The following UNC13C variants were observed in gnomAD, a reference collection of about 807,000 sequenced individuals.
The protein encoded by UNC13C is unc-13 homolog C.
In UNC13C, 174 loss-of-function variants were observed where a neutral mutation model predicts 245.4. That is an observed-to-expected ratio of 0.71 (90% CI 0.63 to 0.80). The LOEUF is 0.80. Ranked by LOEUF, UNC13C falls within the 30% of genes least tolerant of loss-of-function variation. The pLI, the probability that UNC13C is intolerant of heterozygous loss-of-function variation, is 0.00. For synonymous variants in UNC13C, 992 were observed against 895.1 expected (o/e 1.11, Z -1.93); for missense variants, 2,829 against 2,602.9 (o/e 1.09, Z -1.89).
intron 2 of UNC13C, among the ~76,000 whole-genome samples, chr15:54,083,723 T>C (rs1899082184): frequency 6.6e-6 from 1 of 152,116 alleles, no homozygotes; most frequent in African/African-American, 2.4e-5. Flanking sequence ...CACCAAGGGT[T>C]AGATCTCTAG....
At chr15:54,141,367 T>A (rs180957978) in intron 2 of UNC13C, among the ~76,000 whole-genome samples, 19 of 152,270 alleles carry the variant, frequency 1.2e-4, no homozygotes, top group African/African-American at 3.6e-4. Flanking sequence ...AGGCCAGAAT[T>A]TTCAGAAAGA....
intron 17 of UNC13C, among the ~76,000 whole-genome samples, chr15:54,374,788 C>T (rs1278765642): frequency 3.9e-5 from 6 of 152,338 alleles, no homozygotes; most frequent in African/African-American, 1.4e-4. Flanking sequence ...CCTGGCTGCG[C>T]CTCGCCGGCT....
At chr15:54,087,379 G>C (rs557720656) in intron 2 of UNC13C, among the ~76,000 whole-genome samples, 2 of 152,220 alleles carry the variant, frequency 1.3e-5, no homozygotes, top group South Asian at 2.1e-4. Flanking sequence ...TTATCTGACA[G>C]GACAGCTCTG....
chr15:54,409,654 T>G (rs1272076297), intron 18 of UNC13C, among the ~76,000 whole-genome samples: 2 of 152,222 alleles, frequency 1.3e-5, no homozygotes, highest in African/African-American at 4.8e-5. Context: ...CCTGAGTTAA[T>G]TCACTTACAC....
intron 29 of UNC13C, among the ~76,000 whole-genome samples, chr15:54,560,891 T>C (rs1309688360): frequency 1.3e-5 from 2 of 152,004 alleles, no homozygotes; most frequent in Non-Finnish European, 2.9e-5. Context: ...AGCAGGCATA[T>C]AGAAAACGCT....
intron 26 of UNC13C, among the ~76,000 whole-genome samples, chr15:54,542,582 T>G (rs1482542760): frequency 6.6e-6 from 1 of 152,192 alleles, no homozygotes; most frequent in African/African-American, 2.4e-5. Flanking sequence ...TTGATCTGTC[T>G]AATATTGACA....
chr15:54,280,169 A>G (rs1404355278), intron 10 of UNC13C, among the ~76,000 whole-genome samples: 3 of 152,134 alleles, frequency 2.0e-5, no homozygotes, highest in Non-Finnish European at 4.4e-5. Flanking sequence ...GGTTCTGTGT[A>G]GTATTGCTTC....
At chr15:54,100,588 T>C (rs1900111494) in intron 2 of UNC13C, among the ~76,000 whole-genome samples, 1 of 151,844 alleles carries the variant, frequency 6.6e-6, no homozygotes, top group African/African-American at 2.4e-5. Context: ...GCTGAGAATT[T>C]AGTTTGTATC....
chr15:54,309,220 T>G (rs1226257703), intron 13 of UNC13C, among the ~76,000 whole-genome samples: 2 of 151,848 alleles, frequency 1.3e-5, no homozygotes, highest in African/African-American at 2.4e-5. Flanking sequence ...AGGTGATAGC[T>G]TATCGTGGTT....
At chr15:53,850,028 C>G in the UNC13C span, among the ~76,000 whole-genome samples, 1 of 152,064 alleles carries the variant, frequency 6.6e-6, no homozygotes, top group Admixed American at 6.6e-5. Flanking sequence ...TGTCATTTTC[C>G]TTTTGCAAGA....
At chr15:54,422,186 T>C (rs2040658511) in intron 19 of UNC13C, among the ~76,000 whole-genome samples, 1 of 151,942 alleles carries the variant, frequency 6.6e-6, no homozygotes, top group Non-Finnish European at 1.5e-5. Flanking sequence ...TACCACCATC[T>C]CCAGACACTT....
chr15:54,146,140 T>A (rs1033496858), intron 4 of UNC13C, among the ~76,000 whole-genome samples: 1 of 152,112 alleles, frequency 6.6e-6, no homozygotes, highest in Admixed American at 6.5e-5. Flanking sequence ...ATGTGCTTAT[T>A]TTACTTTTTC....
chr15:53,959,982 TG>T, the UNC13C span, among the ~76,000 whole-genome samples: 6 of 152,192 alleles, frequency 3.9e-5, no homozygotes, highest in Admixed American at 3.9e-4. Flanking sequence ...TTAGAACTCC[TG>T]GGATAAGCAT....
intron 17 of UNC13C, among the ~76,000 whole-genome samples, chr15:54,370,990 A>G (rs930792153): frequency 1.5e-4 from 23 of 152,170 alleles, no homozygotes; most frequent in African/African-American, 5.5e-4. Flanking sequence ...CATATGCATG[A>G]CCTCACATAG....
rs1567066940 is a variant in UNC13C, at chr15:54,172,705, T to TTATATATATATATATAA, written c.3071+29021_3071+29022insTATATATATATATATAA. On this transcript the variant is annotated intron_variant, in intron 4 of 32. Coordinates refer to ENST00000260323, the MANE Select transcript of UNC13C (RefSeq NM_001080534.3). The stretch of plus-strand genomic sequence containing the variant: ...TGACAAAGTCAAATACACACACAGA[T>TTATATATATATATATAA]ATATATATATATATATATATATATA... Among the ~76,000 whole-genome samples, 139 of 39,926 alleles carry TTATATATATATATATAA rather than the reference T, an allele frequency of 3.5e-3. 5 individuals carry two copies. The South Asian group carries it at 0.041, about 12-fold the overall frequency. The allele number at this position is 39,926 out of a possible 152,430, so 26.2% of individuals were successfully genotyped here. A position where few individuals can be genotyped will look rare whatever the true frequency, so the allele number is the denominator to read the frequency against.
chr15:54,543,557 TAAAG>T (rs1218136260), intron 26 of UNC13C, among the ~76,000 whole-genome samples: 2 of 149,824 alleles, frequency 1.3e-5, no homozygotes, highest in South Asian at 2.1e-4. Flanking sequence ...GCAAGACTAA[TAAAG>T]AAAAAAAGAG....
intron 4 of UNC13C, among the ~76,000 whole-genome samples, chr15:54,204,394 G>A (rs1019220172): frequency 6.6e-6 from 1 of 150,656 alleles, no homozygotes; most frequent in African/African-American, 2.4e-5. Flanking sequence ...AAGAATTTGC[G>A]ATATTAACAG....
At chr15:54,096,009 C>T (rs950309894) in intron 2 of UNC13C, among the ~76,000 whole-genome samples, 1 of 152,154 alleles carries the variant, frequency 6.6e-6, no homozygotes, top group African/African-American at 2.4e-5. Context: ...AAGGTGCAGA[C>T]CTTAGCTATA....
chr15:53,904,860 A>G, the UNC13C span, among the ~76,000 whole-genome samples: 1 of 152,178 alleles, frequency 6.6e-6, no homozygotes, highest in Admixed American at 6.5e-5. Context: ...ATTCATCTGA[A>G]GAATAGTTAT....
Sources: allele counts gnomAD v4.1 joint callset (sites outside exome capture counted in the v4.1 genomes callset), GRCh38; gene constraint gnomAD v4.1.1; transcripts MANE v1.5; gene names NCBI Gene and HGNC (gene_info 2026-07-23, HGNC 2026-07-21).